Variants in SGK1 observed in about 807,000 individuals in gnomAD.
SGK1 encodes serine/threonine-protein kinase Sgk1.
SGK1 carries 26 observed loss-of-function variants against 64.2 expected under a neutral mutation model. That is an observed-to-expected ratio of 0.40 (90% CI 0.30 to 0.56). The LOEUF is 0.56. Among genes scored for constraint, SGK1 ranks in the 20% least tolerant of loss-of-function variants. The pLI is 0.38. For synonymous variants in SGK1, 265 were observed against 239.7 expected (o/e 1.11, Z -0.98); for missense variants, 519 against 645.6 (o/e 0.80, Z 2.12).
intron 2 of SGK1, among the ~76,000 whole-genome samples, chr6:134,215,380 T>C (rs759842619): frequency 6.6e-6 from 1 of 151,720 alleles, no homozygotes; most frequent in African/African-American, 2.4e-5. Context: ...CCTCCTAAAG[T>C]GCTGGGATTA....
intron 2 of SGK1, chr6:134,260,447 G>A (rs1345467148): frequency 3.4e-5 from 5 of 146,662 alleles, no homozygotes; most frequent in African/African-American, 1.3e-4. Flanking sequence ...CGACGCAGGT[G>A]GATTACCTGA....
At chr6:134,268,766 A>G (rs1776896939) in intron 1 of SGK1, among the ~76,000 whole-genome samples, 1 of 145,054 alleles carries the variant, frequency 6.9e-6, no homozygotes, top group South Asian at 2.3e-4. Flanking sequence ...GGTTTATAGG[A>G]GACTGTTCTC....
intron 3 of SGK1, among the ~76,000 whole-genome samples, chr6:134,194,849 T>A (rs1475137161): frequency 2.6e-5 from 4 of 152,310 alleles, no homozygotes; most frequent in African/African-American, 9.6e-5. Context: ...CACAGTATTA[T>A]GTATCCTGTA....
intron 1 of SGK1, among the ~76,000 whole-genome samples, chr6:134,270,522 A>G (rs1776923104): frequency 6.7e-6 from 1 of 148,380 alleles, no homozygotes; most frequent in South Asian, 2.2e-4. Flanking sequence ...TTCTATTTAA[A>G]TATTTCTCTT....
At chr6:134,174,285 G>A (rs1582685750) in intron 4 of SGK1, 2 of 602,150 alleles carry the variant, frequency 3.3e-6, no homozygotes, top group Non-Finnish European at 5.8e-6. Flanking sequence ...GAGAAAGGCC[G>A]TGAATTCGGC....
chr6:134,175,666 AG>A (rs759609720), intron 3 of SGK1: 2 of 1,493,906 alleles, frequency 1.3e-6, no homozygotes, highest in Non-Finnish European at 1.8e-6. Flanking sequence ...CCCCATGGGC[AG>A]CGGGCGGCGG....
chr6:134,204,953 TTTTC>T (rs768830680), intron 3 of SGK1, among the ~76,000 whole-genome samples: 20 of 142,378 alleles, frequency 1.4e-4, no homozygotes, highest in Admixed American at 3.5e-4. Flanking sequence ...CCCTCCCTCC[TTTTC>T]TTTCTTTCTT....
intron 3 of SGK1, among the ~76,000 whole-genome samples, chr6:134,187,442 C>T (rs1478290055): frequency 6.6e-6 from 1 of 152,122 alleles, no homozygotes; most frequent in Admixed American, 6.5e-5. Flanking sequence ...CCACCCCTTC[C>T]ATTTCTGGAC....
At chr6:134,173,872 C>T in intron 5 of SGK1, 133 bp downstream of exon 5, 2 of 677,902 alleles carry the variant, frequency 3.0e-6, no homozygotes, top group Non-Finnish European at 5.1e-6. Flanking sequence ...ATTTATATCA[C>T]TTGTTATGCC....
intron 1 of SGK1, among the ~76,000 whole-genome samples, chr6:134,310,649 G>A (rs755691499): frequency 2.0e-5 from 3 of 152,206 alleles, no homozygotes; most frequent in Non-Finnish European, 4.4e-5. Context: ...GTACAATGGC[G>A]TGATCTTGGC....
intron 1 of SGK1, among the ~76,000 whole-genome samples, chr6:134,264,033 TCC>T (rs1334859800): frequency 2.0e-5 from 3 of 152,064 alleles, no homozygotes; most frequent in Non-Finnish European, 4.4e-5. Flanking sequence ...GAAGCAAATT[TCC>T]CCAGGGCACA....
In SGK1 at chr6:134,170,203, C is replaced by A. The variant is rs1206978945; in HGVS notation, c.*65G>T. 3 of 1,438,982 alleles carry A rather than the reference C, an allele frequency of 2.1e-6. No individual in the cohort carries two copies. In the East Asian group the frequency reaches 6.9e-5, roughly 33 times the overall value. The allele number at this position is 1,438,982 out of a possible 1,614,324, so 89.1% of individuals were successfully genotyped here. On this transcript the variant is annotated 3_prime_UTR_variant, in exon 14 of 14. Coordinates refer to ENST00000367858, the MANE Select transcript of SGK1 (RefSeq NM_001143676.3). The stretch of plus-strand genomic sequence containing the variant: ...ATGTCCTGTCAGCTGGCGGCTCCAC[C>A]AAAAGGCTAACTAAAACATTCGGAA...
chr6:134,219,588 C>A (rs2114700101), intron 2 of SGK1, among the ~76,000 whole-genome samples: 1 of 151,508 alleles, frequency 6.6e-6, no homozygotes, highest in East Asian at 2.0e-4. Context: ...TGGAGAAATC[C>A]TGTCTCTACT....
At chr6:134,231,559 A>G (rs1776278692) in intron 2 of SGK1, among the ~76,000 whole-genome samples, 1 of 152,244 alleles carries the variant, frequency 6.6e-6, no homozygotes, top group Non-Finnish European at 1.5e-5. Context: ...GGAGCTTTAA[A>G]TGCTCAATAT....
intron 3 of SGK1, among the ~76,000 whole-genome samples, chr6:134,177,083 G>A (rs138121953): frequency 6.6e-6 from 1 of 152,082 alleles, no homozygotes. Context: ...GCGTGGTGGC[G>A]TGCGCCTGTA....
At chr6:134,265,598 CATATAT>C (rs1776841186) in intron 1 of SGK1, among the ~76,000 whole-genome samples, 1 of 142,006 alleles carries the variant, frequency 7.0e-6, no homozygotes, top group Non-Finnish European at 1.5e-5. Flanking sequence ...TATACATATA[CATATAT>C]ATTTTATATA....
chr6:134,316,996 T>C (rs1777696331), intron 1 of SGK1, among the ~76,000 whole-genome samples: 1 of 152,012 alleles, frequency 6.6e-6, no homozygotes, highest in Non-Finnish European at 1.5e-5. Context: ...GGATGAAAGG[T>C]GTAGAAAAGT....
At chr6:134,251,790 T>C (rs1489536014) in intron 2 of SGK1, among the ~76,000 whole-genome samples, 3 of 152,230 alleles carry the variant, frequency 2.0e-5, no homozygotes, top group Non-Finnish European at 4.4e-5. Context: ...GGTTTTACTC[T>C]GTCACCCAGG....
intron 2 of SGK1, among the ~76,000 whole-genome samples, chr6:134,208,761 C>T (rs57055379): frequency 1.5e-5 from 1 of 67,870 alleles, no homozygotes; most frequent in South Asian, 1.2e-3. Flanking sequence ...TATATATATA[C>T]ACATATATAT....
Sources: allele counts gnomAD v4.1 joint callset (sites outside exome capture counted in the v4.1 genomes callset), GRCh38; gene constraint gnomAD v4.1.1; transcripts MANE v1.5; gene names NCBI Gene and HGNC (gene_info 2026-07-23, HGNC 2026-07-21).